Variants in SOX6 observed in about 807,000 individuals in gnomAD.
The protein encoded by SOX6 is SRY-box transcription factor 6.
SOX6 carries 11 observed loss-of-function variants against 97.8 expected under a neutral mutation model. The ratio of observed to expected loss-of-function variants is 0.11; its 90% confidence interval spans 0.07 to 0.19. The LOEUF is 0.19. SOX6 is among the 10% of genes least tolerant of loss of function. SOX6 has a pLI of 1.00. For missense variants in SOX6, 810 were observed against 1,039.5 expected, an observed-to-expected ratio of 0.78 and a Z score of 3.04; for synonymous variants, 360 against 371.4, an observed-to-expected ratio of 0.97 and a Z score of 0.35.
chr11:16,149,668 A>G (rs1850408274), intron 6 of SOX6, among the ~76,000 whole-genome samples: 1 of 152,200 alleles, frequency 6.6e-6, no homozygotes, highest in Non-Finnish European at 1.5e-5. Flanking sequence ...TACTTATGTC[A>G]ATTCCTTTGA....
At chr11:16,311,529 C>T (rs1438925425) in intron 3 of SOX6, 1 of 152,122 alleles carries the variant, frequency 6.6e-6, no homozygotes, top group Non-Finnish European at 1.5e-5. Flanking sequence ...GTTGCCTTAA[C>T]TAATTATTCA....
At chr11:16,186,665 T>A in intron 5 of SOX6, 118 bp downstream of exon 5, 1 of 1,255,276 alleles carries the variant, frequency 8.0e-7, no homozygotes, top group Non-Finnish European at 1.1e-6. Context: ...CCATCTTTTC[T>A]TATTTTTATT....
intron 3 of SOX6, among the ~76,000 whole-genome samples, chr11:16,704,067 A>G (rs961390879): frequency 6.6e-6 from 1 of 152,236 alleles, no homozygotes; most frequent in African/African-American, 2.4e-5. Context: ...GAGTTGAATG[A>G]TAGACAAAAG....
intron 4 of SOX6, among the ~76,000 whole-genome samples, chr11:16,530,344 A>G (rs1030272897): frequency 6.6e-6 from 1 of 152,054 alleles, no homozygotes; most frequent in African/African-American, 2.4e-5. Context: ...TTTAAAGTGC[A>G]ATTCAGAATT....
chr11:16,568,951 T>A (rs1490528033), intron 4 of SOX6, among the ~76,000 whole-genome samples: 1 of 152,192 alleles, frequency 6.6e-6, no homozygotes, highest in African/African-American at 2.4e-5. Context: ...TCCTTCTATC[T>A]TTGGTGCCTA....
chr11:16,476,170 G>T (rs1860243701), intron 1 of SOX6: 1 of 151,934 alleles, frequency 6.6e-6, no homozygotes, highest in African/African-American at 2.4e-5. Context: ...CTCCTCCTAA[G>T]AAAACACTTA....
chr11:16,394,992 T>C (rs1033141613), intron 1 of SOX6, among the ~76,000 whole-genome samples: 2 of 151,834 alleles, frequency 1.3e-5, no homozygotes, highest in Non-Finnish European at 2.9e-5. Context: ...TCTACCGCCA[T>C]CCGCACCCCA....
chr11:16,556,027 A>T (rs1847744648), intron 4 of SOX6, among the ~76,000 whole-genome samples: 2 of 151,632 alleles, frequency 1.3e-5, no homozygotes, highest in South Asian at 4.2e-4. Context: ...AAAAATGAGG[A>T]CTTACACAAA....
At chr11:16,102,691 T>G (rs1848979531) in intron 7 of SOX6, among the ~76,000 whole-genome samples, 1 of 151,928 alleles carries the variant, frequency 6.6e-6, no homozygotes, top group Non-Finnish European at 1.5e-5. Context: ...CATAGACCAA[T>G]AGAACAGAAT....
At chr11:16,275,625 A>G (rs1176408641) in intron 3 of SOX6, among the ~76,000 whole-genome samples, 1 of 152,216 alleles carries the variant, frequency 6.6e-6, no homozygotes, top group East Asian at 1.9e-4. Context: ...CAAAGGGCCT[A>G]TTTGATAAGG....
At chr11:16,715,012 A>C (rs1286022875) in intron 2 of SOX6, 1 of 152,190 alleles carries the variant, frequency 6.6e-6, no homozygotes, top group East Asian at 1.9e-4. Context: ...CCATTATTAG[A>C]GTACATTACA....
At chr11:16,335,710 T>A (rs925911586) in intron 2 of SOX6, among the ~76,000 whole-genome samples, 2 of 152,172 alleles carry the variant, frequency 1.3e-5, no homozygotes, top group Non-Finnish European at 2.9e-5. Context: ...TATCATGTAA[T>A]GACAATAGCT....
chr11:16,058,406 T>C (rs1321060575), intron 9 of SOX6, among the ~76,000 whole-genome samples: 1 of 152,050 alleles, frequency 6.6e-6, no homozygotes, highest in Non-Finnish European at 1.5e-5. Flanking sequence ...ATTAGGGGCT[T>C]TTCTAAAGTG....
In SOX6 at chr11:15,967,834, T is replaced by C. The variant is rs1202087963; in HGVS notation, c.*4975A>G. 6.6e-6 allele frequency: 1 copy of C among 152,190 alleles called. No individual in the cohort carries two copies. Among genetic ancestry groups the C allele is most frequent in the Non-Finnish European group, 1.5e-5 (1 of 68,046 alleles). The allele number at this position is 152,190 out of a possible 1,614,324, so 9.4% of individuals were successfully genotyped here. A position where few individuals can be genotyped will look rare whatever the true frequency, so the allele number is the denominator to read the frequency against. On this transcript the variant is annotated 3_prime_UTR_variant, in exon 16 of 16. Transcript: ENST00000683767. ...TCACTGAGTTTTCTTCAAGCGTTCATATTGCCATGGACACTGATTAGAAGA... is the reference window on the plus strand; with the variant it reads ...TCACTGAGTTTTCTTCAAGCGTTCACATTGCCATGGACACTGATTAGAAGA...
At chr11:16,059,846 C>A (rs1030380923) in intron 9 of SOX6, among the ~76,000 whole-genome samples, 1 of 151,856 alleles carries the variant, frequency 6.6e-6, no homozygotes, top group East Asian at 1.9e-4. Context: ...AAAATGGGGA[C>A]AGGTCAAGCT....
At chr11:16,515,193 T>A (rs1310637002) in intron 4 of SOX6, among the ~76,000 whole-genome samples, 2 of 151,898 alleles carry the variant, frequency 1.3e-5, no homozygotes, top group African/African-American at 4.8e-5. Context: ...TTTCTCCACA[T>A]CCTCTCCAGC....
intron 6 of SOX6, among the ~76,000 whole-genome samples, chr11:16,174,256 A>G (rs1042272335): frequency 6.6e-6 from 1 of 151,918 alleles, no homozygotes; most frequent in African/African-American, 2.4e-5. Context: ...TGAAACATAC[A>G]TGTATCAAAA....
chr11:16,158,865 GGTGTGT>G (rs10549567), intron 6 of SOX6, among the ~76,000 whole-genome samples: 8,110 of 145,952 alleles, frequency 0.056, 565 homozygotes, highest in East Asian at 0.37. Flanking sequence ...TGAAGTTACA[GGTGTGT>G]GTGTGTGTGT....
At chr11:16,709,327 G>T (rs1014758982) in intron 3 of SOX6, among the ~76,000 whole-genome samples, 1 of 152,052 alleles carries the variant, frequency 6.6e-6, no homozygotes, top group African/African-American at 2.4e-5. Flanking sequence ...AGACCAGCCT[G>T]GCCAACACAG....
Sources: allele counts gnomAD v4.1 joint callset (sites outside exome capture counted in the v4.1 genomes callset), GRCh38; gene constraint gnomAD v4.1.1; transcripts MANE v1.5; gene names NCBI Gene and HGNC (gene_info 2026-07-23, HGNC 2026-07-21).